The following SLC25A21 variants were observed in gnomAD, a reference collection of about 807,000 sequenced individuals.
The protein encoded by SLC25A21 is solute carrier family 25 member 21.
SLC25A21 carries 47 observed loss-of-function variants against 43.8 expected under a neutral mutation model. That is an observed-to-expected ratio of 1.07 (90% CI 0.85 to 1.37). The LOEUF (loss-of-function observed/expected upper bound fraction) is 1.37, where lower values mean the gene tolerates loss of function less well. SLC25A21 is among the 40% of genes most tolerant of loss of function. The probability of loss-of-function intolerance (pLI) is 0.00; values close to 1 mark genes in which losing one functional copy is unlikely to be tolerated. For missense variants in SLC25A21, 352 were observed against 350.2 expected (o/e 1.00, Z -0.04); for synonymous variants, 131 against 121.3 (o/e 1.08, Z -0.52).
At chr14:36,910,396 A>G (rs1891654977) in intron 1 of SLC25A21, among the ~76,000 whole-genome samples, 1 of 152,182 alleles carries the variant, frequency 6.6e-6, no homozygotes, top group Non-Finnish European at 1.5e-5. Context: ...GAGATGAGAT[A>G]GAGTACGGTA....
At chr14:37,024,023 T>C (rs1961041422) in intron 1 of SLC25A21, among the ~76,000 whole-genome samples, 1 of 152,220 alleles carries the variant, frequency 6.6e-6, no homozygotes, top group South Asian at 2.1e-4. Flanking sequence ...CAGGACATGT[T>C]AATTACTGGC....
intron 3 of SLC25A21, among the ~76,000 whole-genome samples, chr14:36,789,785 T>TTTATATATATTTTATATA (rs1887386989): frequency 1.2e-5 from 1 of 81,210 alleles, no homozygotes; most frequent in Non-Finnish European, 2.2e-5. Flanking sequence ...ATTTTATATA[T>TTTATATATATTTTATATA]TTATATATAA....
intron 1 of SLC25A21, among the ~76,000 whole-genome samples, chr14:37,050,663 T>A (rs1022373955): frequency 6.6e-6 from 1 of 152,220 alleles, no homozygotes; most frequent in Admixed American, 6.5e-5. Flanking sequence ...AGATGACAGA[T>A]CTGGCCCATT....
At chr14:36,811,156 T>C (rs1888249013) in intron 3 of SLC25A21, among the ~76,000 whole-genome samples, 2 of 152,270 alleles carry the variant, frequency 1.3e-5, no homozygotes, top group East Asian at 3.9e-4. Flanking sequence ...ACAAAAGCTC[T>C]GCACACCATG....
intron 1 of SLC25A21, among the ~76,000 whole-genome samples, chr14:36,894,548 T>C (rs908258143): frequency 2.0e-5 from 3 of 152,040 alleles, no homozygotes; most frequent in African/African-American, 4.8e-5. Flanking sequence ...TCCTGCCTGA[T>C]TGCCCTGGCC....
intron 1 of SLC25A21, among the ~76,000 whole-genome samples, chr14:36,914,527 T>A (rs977289552): frequency 6.6e-6 from 1 of 152,210 alleles, no homozygotes; most frequent in Non-Finnish European, 1.5e-5. Context: ...TTTTCCTTCA[T>A]CTTGTTTGAT....
At chr14:37,093,614 C>A (rs1377947474) in intron 1 of SLC25A21, among the ~76,000 whole-genome samples, 1 of 152,108 alleles carries the variant, frequency 6.6e-6, no homozygotes, top group Non-Finnish European at 1.5e-5. Flanking sequence ...CCATTGTGGG[C>A]AAAATTCATT....
intron 1 of SLC25A21, among the ~76,000 whole-genome samples, chr14:37,114,478 G>A (rs1429278076): frequency 6.6e-6 from 1 of 152,148 alleles, no homozygotes; most frequent in Non-Finnish European, 1.5e-5. Context: ...CACTTTACTA[G>A]ACTCAATCAT....
intron 3 of SLC25A21, among the ~76,000 whole-genome samples, chr14:36,801,328 T>C (rs990592849): frequency 1.5e-4 from 23 of 152,298 alleles, no homozygotes; most frequent in African/African-American, 5.3e-4. Flanking sequence ...CTTTGGGCTC[T>C]CTTCTCAGCA....
At chr14:36,681,539 T>G (rs1882259494) in intron 9 of SLC25A21, among the ~76,000 whole-genome samples, 1 of 152,214 alleles carries the variant, frequency 6.6e-6, no homozygotes, top group Non-Finnish European at 1.5e-5. Flanking sequence ...ATAGCATGTG[T>G]CCTGTGCCCT....
intron 1 of SLC25A21, among the ~76,000 whole-genome samples, chr14:37,115,792 A>T (rs1963096166): frequency 6.6e-6 from 1 of 152,198 alleles, no homozygotes; most frequent in Non-Finnish European, 1.5e-5. Context: ...GCTTCATTTC[A>T]AACTAGTATA....
At chr14:36,858,591 G>T (rs771773796) in intron 2 of SLC25A21, among the ~76,000 whole-genome samples, 1 of 152,018 alleles carries the variant, frequency 6.6e-6, no homozygotes, top group Non-Finnish European at 1.5e-5. Flanking sequence ...TCTGACCCCT[G>T]ACCTCTCCCA....
rs181598479 is a variant in SLC25A21 at position 37,168,923 on chromosome 14, G to A, written c.70+3358C>T. Among the ~76,000 whole-genome samples, 315 of 152,262 alleles carry A rather than the reference G, an allele frequency of 2.1e-3. 4 individuals carry two copies. Among genetic ancestry groups the A allele is most frequent in the Non-Finnish European group, 2.7e-3 (186 of 68,012 alleles). On this transcript the variant is annotated intron_variant, in intron 1 of 9. Transcript: ENST00000331299. ...CCCTGTGATTTCTCCAAGTGAAAGG[G>A]TAGATAAGCAGCCTGGGGAGGAGCT...
intron 8 of SLC25A21, among the ~76,000 whole-genome samples, chr14:36,684,191 T>G (rs1882423069): frequency 6.6e-6 from 1 of 152,166 alleles, no homozygotes; most frequent in Non-Finnish European, 1.5e-5. Flanking sequence ...ATGACTTTTG[T>G]AATTGAATTT....
chr14:36,924,176 G>T (rs571256335), intron 1 of SLC25A21, among the ~76,000 whole-genome samples: 1 of 152,134 alleles, frequency 6.6e-6, no homozygotes, highest in Non-Finnish European at 1.5e-5. Context: ...CCATTACTGG[G>T]TATATACCCA....
At chr14:37,099,102 C>T (rs1460962734) in intron 1 of SLC25A21, among the ~76,000 whole-genome samples, 1 of 152,022 alleles carries the variant, frequency 6.6e-6, no homozygotes, top group African/African-American at 2.4e-5. Flanking sequence ...CATGCCCAGC[C>T]GGACTTAAAA....
chr14:37,020,474 G>C (rs1344757800), intron 1 of SLC25A21, among the ~76,000 whole-genome samples: 1 of 149,416 alleles, frequency 6.7e-6, no homozygotes, highest in Non-Finnish European at 1.5e-5. Flanking sequence ...ACAGAGTTTA[G>C]ATGTGACCTG....
chr14:37,063,100 C>CCA (rs1961984619), intron 1 of SLC25A21, among the ~76,000 whole-genome samples: 1 of 152,108 alleles, frequency 6.6e-6, no homozygotes, highest in South Asian at 2.1e-4. Flanking sequence ...CTCATGAGAA[C>CCA]TAACTCACTA....
At chr14:37,137,867 A>C (rs1963509449) in intron 1 of SLC25A21, among the ~76,000 whole-genome samples, 1 of 152,234 alleles carries the variant, frequency 6.6e-6, no homozygotes. Context: ...GTATTAATTA[A>C]CAACTGACAC....
Sources: gnomAD v4.1 joint callset for allele counts (sites outside exome capture counted in the v4.1 genomes callset) on GRCh38, gnomAD v4.1.1 for gene constraint, MANE v1.5 for transcripts, NCBI Gene and HGNC (gene_info 2026-07-23, HGNC 2026-07-21) for gene names.